The following TRPS1 variants were observed in gnomAD, a reference collection of about 807,000 sequenced individuals.
TRPS1 encodes the protein zinc finger transcription factor Trps1.
TRPS1 carries 6 observed loss-of-function variants against 101.2 expected under a neutral mutation model. That is an observed-to-expected ratio of 0.06 (90% confidence interval 0.03 to 0.12). The LOEUF is 0.12. Among genes scored for constraint, TRPS1 ranks in the 10% least tolerant of loss-of-function variants. TRPS1 has a pLI of 1.00. For missense variants in TRPS1, 1,363 were observed against 1,567.0 expected, an observed-to-expected ratio of 0.87 and a Z score of 2.20; for synonymous variants, 578 against 589.8, an observed-to-expected ratio of 0.98 and a Z score of 0.29.
At chr8:115,484,334 T>G (rs1814827086) in intron 5 of TRPS1, among the ~76,000 whole-genome samples, 1 of 152,180 alleles carries the variant, frequency 6.6e-6, no homozygotes. Flanking sequence ...AATTTCAGAA[T>G]CTAATATTAA....
Position 115,413,188 on chromosome 8 carries a change from C to G in TRPS1, c.*835G>C, listed in dbSNP as rs1812829178. On this transcript the variant is annotated 3_prime_UTR_variant, in exon 7 of 7. Transcript: ENST00000395715. ...AACAGGAGGCTTAGAAAAGCAAATCCATACTGGTTCATCACACACAAGAAA... is the reference window on the plus strand; with the variant it reads ...AACAGGAGGCTTAGAAAAGCAAATCGATACTGGTTCATCACACACAAGAAA... The G allele has an allele frequency of 6.6e-6, 1 of 152,068 alleles. No homozygotes were observed. Among genetic ancestry groups the G allele is most frequent in the Non-Finnish European group, 1.5e-5 (1 of 68,020 alleles). 9.4% of individuals were successfully genotyped at this position (152,068 alleles called of 1,614,324 possible).
chr8:115,511,648 T>C (rs1357157213), intron 5 of TRPS1, among the ~76,000 whole-genome samples: 1 of 151,854 alleles, frequency 6.6e-6, no homozygotes, highest in Admixed American at 6.6e-5. Flanking sequence ...AGATCTGACA[T>C]ATTCTGGGTT....
intron 5 of TRPS1, among the ~76,000 whole-genome samples, chr8:115,443,478 C>T (rs1283734110): frequency 6.6e-6 from 1 of 152,162 alleles, no homozygotes; most frequent in East Asian, 1.9e-4. Context: ...TTCTCATCAG[C>T]ATTAATTTTG....
At chr8:115,420,971 T>C (rs1813036868) in intron 5 of TRPS1, among the ~76,000 whole-genome samples, 2 of 151,882 alleles carry the variant, frequency 1.3e-5, no homozygotes, top group Non-Finnish European at 2.9e-5. Flanking sequence ...ATCTTTACAG[T>C]GTGAGCTACT....
intron 4 of TRPS1, among the ~76,000 whole-genome samples, chr8:115,590,478 A>G (rs1817655662): frequency 6.6e-6 from 1 of 152,210 alleles, no homozygotes; most frequent in African/African-American, 2.4e-5. Context: ...AAAGAATCAT[A>G]GTGATTCTGT....
At chr8:115,488,154 G>C (rs1814932955) in intron 5 of TRPS1, among the ~76,000 whole-genome samples, 1 of 152,150 alleles carries the variant, frequency 6.6e-6, no homozygotes, top group Non-Finnish European at 1.5e-5. Context: ...TGACTCCTTA[G>C]AGGCTTAGAT....
intron 5 of TRPS1, among the ~76,000 whole-genome samples, chr8:115,441,017 G>C (rs974332327): frequency 2.6e-5 from 4 of 152,046 alleles, no homozygotes; most frequent in Non-Finnish European, 5.9e-5. Context: ...AAACTGTTAA[G>C]GCCTCTGAAC....
At chr8:115,496,248 G>A (rs988062117) in intron 5 of TRPS1, among the ~76,000 whole-genome samples, 9 of 152,100 alleles carry the variant, frequency 5.9e-5, no homozygotes, top group South Asian at 4.1e-4. Flanking sequence ...GTACTAATTG[G>A]CAGAAACACA....
intron 1 of TRPS1, among the ~76,000 whole-genome samples, chr8:115,629,593 C>A (rs992028234): frequency 6.9e-4 from 105 of 151,880 alleles, no homozygotes; most frequent in African/African-American, 2.4e-3. Context: ...CCTTATATGC[C>A]AAATTTGTTA....
In TRPS1 at chr8:115,603,883, G is replaced by A. The variant is rs368166434; in HGVS notation, c.2086C>T (p.Arg696Ter). Residue 696 changes from arginine (R) to a stop codon, truncating the protein, a stop_gained, in exon 4 of 7, where the codon CGA becomes TGA. Transcript: ENST00000395715. LOFTEE classifies it high-confidence loss of function. Reference sequence around the variant, plus strand: ...CCCCCCATGCCTCACCTGTAGTGTCGGGAAATCTCTTCTTCCACTTGGGTA... The same window carrying A: ...CCCCCCATGCCTCACCTGTAGTGTCAGGAAATCTCTTCTTCCACTTGGGTA... ...FITQVEEEIS[R>*]HYRRAHSCYK... 6.2e-7 allele frequency: 1 copy of A among 1,613,560 alleles called. No individual in the cohort carries two copies. The highest frequency in any genetic ancestry group is 8.5e-7 in the Non-Finnish European group (1 of 1,179,866).
chr8:115,584,001 T>C (rs761006754), intron 5 of TRPS1, among the ~76,000 whole-genome samples: 20 of 152,096 alleles, frequency 1.3e-4, no homozygotes, highest in Non-Finnish European at 2.7e-4. Flanking sequence ...CTTTGAGAAG[T>C]ACAGCAAACT....
intron 5 of TRPS1, among the ~76,000 whole-genome samples, chr8:115,506,255 A>T (rs554616323): frequency 1.1e-4 from 16 of 152,196 alleles, no homozygotes; most frequent in African/African-American, 3.1e-4. Context: ...ATGCAGGAAA[A>T]AAAAACATGG....
At chr8:115,434,672 T>G (rs2129848526) in intron 5 of TRPS1, among the ~76,000 whole-genome samples, 1 of 152,348 alleles carries the variant, frequency 6.6e-6, no homozygotes, top group African/African-American at 2.4e-5. Flanking sequence ...AAATGCATTT[T>G]GGTCCTAGCC....
intron 5 of TRPS1, among the ~76,000 whole-genome samples, chr8:115,420,709 A>G (rs1813031632): frequency 6.6e-6 from 1 of 152,252 alleles, no homozygotes; most frequent in Non-Finnish European, 1.5e-5. Flanking sequence ...TTACAGCACT[A>G]GTTTCCAAAA....
At chr8:115,483,839 C>T (rs1017758848) in intron 5 of TRPS1, among the ~76,000 whole-genome samples, 3 of 152,138 alleles carry the variant, frequency 2.0e-5, no homozygotes, top group African/African-American at 7.2e-5. Flanking sequence ...ACACCACAAT[C>T]AGCTCCCAGT....
At chr8:115,519,753 TA>T (rs1815811797) in intron 5 of TRPS1, among the ~76,000 whole-genome samples, 1 of 151,446 alleles carries the variant, frequency 6.6e-6, no homozygotes, top group Non-Finnish European at 1.5e-5. Context: ...AAAAATAAAT[TA>T]AAAAGTCTTA....
At chr8:115,509,319 C>T (rs1328628863) in intron 5 of TRPS1, among the ~76,000 whole-genome samples, 1 of 151,962 alleles carries the variant, frequency 6.6e-6, no homozygotes, top group Non-Finnish European at 1.5e-5. Context: ...TATGGAACAT[C>T]TGTTAAGTGC....
intron 5 of TRPS1, among the ~76,000 whole-genome samples, chr8:115,481,962 C>T (rs1387711710): frequency 6.6e-6 from 1 of 152,112 alleles, no homozygotes; most frequent in Non-Finnish European, 1.5e-5. Context: ...TACAAATGAA[C>T]AGAATACAGG....
intron 5 of TRPS1, among the ~76,000 whole-genome samples, chr8:115,540,360 G>A (rs1816423156): frequency 6.6e-6 from 1 of 152,226 alleles, no homozygotes; most frequent in African/African-American, 2.4e-5. Flanking sequence ...AACAAGCGAT[G>A]GATGACTGGT....
Sources: gnomAD v4.1 joint callset for allele counts (sites outside exome capture counted in the v4.1 genomes callset) on GRCh38, gnomAD v4.1.1 for gene constraint, MANE v1.5 for transcripts, NCBI Gene and HGNC (gene_info 2026-07-23, HGNC 2026-07-21) for gene names.